The following YEATS2 variants were observed in gnomAD, a reference collection of about 807,000 sequenced individuals.
YEATS2 encodes YEATS domain containing 2.
In YEATS2, 77 loss-of-function variants were observed where a neutral mutation model predicts 163.2. The ratio of observed to expected loss-of-function variants is 0.47; its 90% confidence interval spans 0.39 to 0.57. The LOEUF (loss-of-function observed/expected upper bound fraction) is 0.57. Ranked by LOEUF, YEATS2 falls within the 20% of genes least tolerant of loss-of-function variation. The pLI is 0.00. For missense variants in YEATS2, 1,549 were observed against 1,729.8 expected (o/e 0.90, Z 1.85); for synonymous variants, 631 against 645.1 (o/e 0.98, Z 0.33).
chr3:183,757,433 G>T (rs1050380816), intron 12 of YEATS2, among the ~76,000 whole-genome samples: 1 of 152,060 alleles, frequency 6.6e-6, no homozygotes, highest in African/African-American at 2.4e-5. Flanking sequence ...TGGAATTACA[G>T]GCGTGCACCA....
chr3:183,797,589 G>A (rs1412608984), intron 21 of YEATS2, among the ~76,000 whole-genome samples: 1 of 145,546 alleles, frequency 6.9e-6, no homozygotes, highest in African/African-American at 2.6e-5. Flanking sequence ...GACCAGGCAT[G>A]GTGGCTCATG....
At chr3:183,713,681 T>C (rs1224993006) in intron 1 of YEATS2, among the ~76,000 whole-genome samples, 3 of 152,236 alleles carry the variant, frequency 2.0e-5, no homozygotes, top group African/African-American at 7.2e-5. Context: ...AACTGACTCA[T>C]GAAATATGTA....
At chr3:183,724,210 C>T (rs560903827) in intron 5 of YEATS2, among the ~76,000 whole-genome samples, 45 of 152,024 alleles carry the variant, frequency 3.0e-4, no homozygotes, top group Admixed American at 1.5e-3. Flanking sequence ...AAAAACACAC[C>T]GGGAGTTACA....
chr3:183,809,366 A>G, intron 30 of YEATS2, 196 bp downstream of exon 30: 1 of 554,102 alleles, frequency 1.8e-6, no homozygotes, highest in South Asian at 2.3e-5. Flanking sequence ...AAGCTCACTC[A>G]GCTTTGCTCA....
rs759354215 is a variant in YEATS2, at chr3:183,756,621, T to C, written c.1484T>C (p.Ile495Thr). Residue 495 changes from isoleucine to threonine, a missense_variant, in exon 12 of 31, where the codon ATT becomes ACT. Coordinates refer to ENST00000305135, the MANE Select transcript of YEATS2 (RefSeq NM_018023.5). ...HVKQGTAGSV[I>T]NNPYVIMDKQ... is the part of the protein sequence containing the mutation. ...AAGCAAGGCACTGCCGGCTCTGTTA[T>C]TAATAATCCTTATGTTATCATGGAC... 18 of 1,605,752 alleles carry C rather than the reference T, an allele frequency of 1.1e-5. No individual in the cohort carries two copies. The highest frequency in any genetic ancestry group is 1.7e-5 in the Admixed American group (1 of 58,832).
In YEATS2 at chr3:183,800,121, C is replaced by T. The variant is rs573314509; in HGVS notation, c.3326-345C>T. ...TGCTGGGATTACAGGCGTGAGCCAC[C>T]GCGCCCGGCCCAGAGTAGCATTGTT... is the stretch of plus-strand genomic sequence containing the variant. On this transcript the variant is annotated intron_variant, in intron 23 of 30. Transcript: ENST00000305135. Among the ~76,000 whole-genome samples the T allele has an allele frequency of 1.1e-4, 17 of 152,260 alleles. No individual in the cohort carries two copies. The East Asian group carries it at 1.7e-3, about 16-fold the overall frequency.
intron 19 of YEATS2, among the ~76,000 whole-genome samples, chr3:183,779,932 G>C (rs1009883979): frequency 6.6e-6 from 1 of 151,342 alleles, no homozygotes; most frequent in Non-Finnish European, 1.5e-5. Flanking sequence ...TCTTGACCTC[G>C]TGATCTGCCC....
intron 20 of YEATS2, among the ~76,000 whole-genome samples, 175 bp from the exon 21 acceptor site, chr3:183,790,622 A>G (rs183980549): frequency 2.0e-3 from 303 of 152,332 alleles, no homozygotes; most frequent in Admixed American, 3.5e-3. Context: ...ATGTAAAGGT[A>G]TAGTAACCAC....
intron 4 of YEATS2, among the ~76,000 whole-genome samples, chr3:183,719,215 T>C (rs1577052452): frequency 1.3e-5 from 2 of 149,890 alleles, no homozygotes; most frequent in Admixed American, 1.3e-4. Flanking sequence ...CAGGCTAGAG[T>C]GCAGTGGCCT....
intron 6 of YEATS2, among the ~76,000 whole-genome samples, chr3:183,726,654 C>T (rs1717128286): frequency 6.6e-6 from 1 of 152,174 alleles, no homozygotes; most frequent in Admixed American, 6.5e-5. Flanking sequence ...GTTTTATTTG[C>T]TGATCCCCTC....
intron 13 of YEATS2, among the ~76,000 whole-genome samples, chr3:183,761,111 G>A (rs1275375282): frequency 6.6e-6 from 1 of 151,746 alleles, no homozygotes; most frequent in East Asian, 1.9e-4. Context: ...TTTTTTTACG[G>A]AGTTTTGCTC....
chr3:183,759,043 G>T, intron 13 of YEATS2, 78 bp downstream of exon 13: 3 of 1,014,260 alleles, frequency 3.0e-6, no homozygotes, highest in Non-Finnish European at 4.3e-6. Context: ...TTCAAATGGA[G>T]ATGGGGTCTC....
At chr3:183,795,980 GTTTTTTTTTTT>G (rs11287278) in intron 21 of YEATS2, among the ~76,000 whole-genome samples, 3 of 80,436 alleles carry the variant, frequency 3.7e-5, no homozygotes, top group African/African-American at 1.5e-4. Flanking sequence ...TTGATGCTGG[GTTTTTTTTTTT>G]TTTTTTTTGA....
intron 1 of YEATS2, among the ~76,000 whole-genome samples, chr3:183,704,921 A>G (rs28688419): frequency 0.032 from 4,948 of 152,258 alleles, 200 homozygotes; most frequent in East Asian, 0.15. Flanking sequence ...GAGCCACTGC[A>G]TCCGACCTTA....
chr3:183,730,859 A>G (rs1032232161), intron 7 of YEATS2, among the ~76,000 whole-genome samples: 7 of 152,188 alleles, frequency 4.6e-5, no homozygotes, highest in Non-Finnish European at 8.8e-5. Context: ...GTGATATATC[A>G]TAGACTGTAA....
At chr3:183,793,758 G>A (rs1373122681) in intron 21 of YEATS2, among the ~76,000 whole-genome samples, 3 of 151,912 alleles carry the variant, frequency 2.0e-5, no homozygotes, top group African/African-American at 4.8e-5. Flanking sequence ...GATTATAGGC[G>A]TGTGCCACCA....
chr3:183,757,519 A>G (rs544649432), intron 12 of YEATS2, among the ~76,000 whole-genome samples: 16 of 152,050 alleles, frequency 1.1e-4, no homozygotes, highest in South Asian at 6.2e-4. Flanking sequence ...TCAAACTCCA[A>G]TCCACCTGCC....
intron 7 of YEATS2, 103 bp from the exon 8 acceptor site, chr3:183,736,615 C>G: frequency 1.3e-6 from 1 of 757,510 alleles, no homozygotes. Context: ...AAATGATTCT[C>G]AGAAGACAGT....
intron 7 of YEATS2, among the ~76,000 whole-genome samples, chr3:183,730,287 ACTC>A (rs1717642879): frequency 6.7e-6 from 1 of 149,676 alleles, no homozygotes; most frequent in African/African-American, 2.5e-5. Context: ...CTGGTCTTGA[ACTC>A]CTGAGCTCAA....
Sources: gnomAD v4.1 joint callset for allele counts (sites outside exome capture counted in the v4.1 genomes callset) on GRCh38, gnomAD v4.1.1 for gene constraint, MANE v1.5 for transcripts, NCBI Gene and HGNC (gene_info 2026-07-23, HGNC 2026-07-21) for gene names.